The following FANCC variants were observed in gnomAD, a reference collection of about 807,000 sequenced individuals.
The protein encoded by FANCC is FA complementation group C.
Under a neutral mutation model 71.3 loss-of-function variants are expected in FANCC, and 55 were observed. The ratio of observed to expected loss-of-function variants is 0.77; its 90% CI spans 0.62 to 0.97. The LOEUF is 0.97. Ranked by LOEUF, FANCC falls within the 50% of genes least tolerant of loss-of-function variation. The pLI is 0.00. For synonymous variants in FANCC, 275 were observed against 244.9 expected, an observed-to-expected ratio of 1.12 and a Z score of -1.15; for missense variants, 678 against 670.9, an observed-to-expected ratio of 1.01 and a Z score of -0.12.
chr9:95,266,794 T>C (rs1270440827), intron 1 of FANCC, among the ~76,000 whole-genome samples: 1 of 152,182 alleles, frequency 6.6e-6, no homozygotes, highest in Non-Finnish European at 1.5e-5. Context: ...CTATATGCTA[T>C]GGGTCACTGA....
chr9:95,292,909 G>A lies in FANCC; in HGVS notation c.-79+24617C>T, dbSNP rs150559168. On this transcript the variant is annotated intron_variant, in intron 1 of 14. Coordinates refer to ENST00000289081, the MANE Select transcript of FANCC (RefSeq NM_000136.3). The stretch of plus-strand genomic sequence containing the variant: ...GCAGAGGACTGTGGCAAGACCTTCC[G>A]GTGCACATGCGGCTGTCCCTACGCC... The A allele has an allele frequency of 4.9e-4, 770 of 1,582,562 alleles. 10 individuals are homozygous for A. The East Asian group carries it at 0.016, about 33-fold the overall frequency.
intron 14 of FANCC, among the ~76,000 whole-genome samples, chr9:95,105,953 A>AG (rs776564820): frequency 9.2e-5 from 14 of 152,228 alleles, no homozygotes; most frequent in African/African-American, 2.2e-4. Context: ...ATGGCCCTCC[A>AG]GCCCCTGCTT....
chr9:95,153,545 T>C (rs764168431), intron 6 of FANCC, among the ~76,000 whole-genome samples: 6 of 152,334 alleles, frequency 3.9e-5, no homozygotes, highest in Non-Finnish European at 7.4e-5. Flanking sequence ...TGGTATCTCA[T>C]TGTGGTTTTA....
intron 4 of FANCC, 42 bp from the exon 5 acceptor site, chr9:95,172,189 A>G (rs748962340): frequency 3.8e-6 from 5 of 1,303,046 alleles, no homozygotes; most frequent in African/African-American, 2.9e-5. Context: ...TTTAAAAGTA[A>G]ATGCAAGTGC....
intron 14 of FANCC, 141 bp from the exon 15 acceptor site, chr9:95,101,991 G>A: frequency 1.0e-6 from 1 of 974,760 alleles, no homozygotes; most frequent in South Asian, 1.4e-5. Flanking sequence ...AAAGCATCAG[G>A]GGCTCTAGTT....
At chr9:95,103,785 A>C (rs2071235927) in intron 14 of FANCC, among the ~76,000 whole-genome samples, 1 of 152,228 alleles carries the variant, frequency 6.6e-6, no homozygotes, top group Non-Finnish European at 1.5e-5. Flanking sequence ...AGCTCACTGC[A>C]GAGGCCACAC....
At chr9:95,199,173 A>G (rs1827648019) in intron 4 of FANCC, among the ~76,000 whole-genome samples, 2 of 152,100 alleles carry the variant, frequency 1.3e-5, no homozygotes, top group Non-Finnish European at 2.9e-5. Context: ...AGACCTTGCC[A>G]TGTATCAAAT....
At chr9:95,284,677 C>T (rs1833567703) in intron 1 of FANCC, among the ~76,000 whole-genome samples, 1 of 152,246 alleles carries the variant, frequency 6.6e-6, no homozygotes, top group Non-Finnish European at 1.5e-5. Context: ...CTGATCCACA[C>T]AGCACTATTA....
At chr9:95,125,804 T>C (rs939528748) in intron 9 of FANCC, among the ~76,000 whole-genome samples, 2 of 152,050 alleles carry the variant, frequency 1.3e-5, no homozygotes, top group African/African-American at 2.4e-5. Flanking sequence ...GTGTGTTAGG[T>C]GGGAGGGGCT....
chr9:95,293,134 G>C (rs1042321821), intron 1 of FANCC: 5 of 1,613,108 alleles, frequency 3.1e-6, no homozygotes, highest in Non-Finnish European at 4.2e-6. Context: ...AATAAAGCTA[G>C]AACCATCTTT....
chr9:95,107,010 A>C, intron 14 of FANCC, 56 bp downstream of exon 14: 1 of 1,570,874 alleles, frequency 6.4e-7, no homozygotes, highest in Non-Finnish European at 8.7e-7. Context: ...CAGGTAACCC[A>C]CCTCTCGCCT....
At chr9:95,274,754 G>A (rs1324821210) in intron 1 of FANCC, among the ~76,000 whole-genome samples, 1 of 152,132 alleles carries the variant, frequency 6.6e-6, no homozygotes, top group Admixed American at 6.6e-5. Flanking sequence ...GTCCAGAAGT[G>A]TCTCCAAATT....
intron 4 of FANCC, among the ~76,000 whole-genome samples, chr9:95,233,262 GA>G (rs1222682230): frequency 2.0e-5 from 3 of 151,368 alleles, no homozygotes; most frequent in Admixed American, 6.6e-5. Flanking sequence ...AACGCAGGTA[GA>G]AAAAAAATAT....
chr9:95,121,011 G>A (rs2072837144), intron 10 of FANCC, among the ~76,000 whole-genome samples: 1 of 152,176 alleles, frequency 6.6e-6, no homozygotes, highest in African/African-American at 2.4e-5. Flanking sequence ...GGGGAGGCAG[G>A]AGACCTCTCT....
At chr9:95,167,721 C>T (rs942993084) in intron 6 of FANCC, among the ~76,000 whole-genome samples, 1 of 152,032 alleles carries the variant, frequency 6.6e-6, no homozygotes, top group Non-Finnish European at 1.5e-5. Flanking sequence ...TTCCTGATTT[C>T]ATTTAGTTGT....
chr9:95,184,726 C>A lies in FANCC; in HGVS notation c.346-12579G>T, dbSNP rs548172019. On this transcript the variant is annotated intron_variant, in intron 4 of 14. Coordinates refer to ENST00000289081, the MANE Select transcript of FANCC (RefSeq NM_000136.3). ...GAGAAGCAAGGGGCCAAGAACAGCA[C>A]ATGCTAAGGGAAAGAAGAAAATTAT... is the stretch of plus-strand genomic sequence containing the variant. Among the ~76,000 whole-genome samples the A allele has an allele frequency of 6.6e-5, 10 of 152,270 alleles. 1 individual carries two copies. In the South Asian group the frequency reaches 2.1e-3, roughly 32 times the overall value.
intron 4 of FANCC, among the ~76,000 whole-genome samples, chr9:95,173,891 T>C (rs1009145631): frequency 6.6e-6 from 1 of 152,192 alleles, no homozygotes; most frequent in African/African-American, 2.4e-5. Flanking sequence ...AGTGAGACCC[T>C]GTCTCCAAGG....
chr9:95,294,475 G>C, intron 1 of FANCC: 5 of 1,596,774 alleles, frequency 3.1e-6, no homozygotes, highest in Non-Finnish European at 4.3e-6. Flanking sequence ...CTTTTTCTTA[G>C]ACAGTAGCCC....
intron 8 of FANCC, chr9:95,127,562 C>T (rs887053904): frequency 6.6e-6 from 1 of 152,272 alleles, no homozygotes; most frequent in African/African-American, 2.4e-5. Context: ...GGCGGGAAGG[C>T]TAGGGGCTCC....
Sources: allele counts gnomAD v4.1 joint callset (sites outside exome capture counted in the v4.1 genomes callset), GRCh38; gene constraint gnomAD v4.1.1; transcripts MANE v1.5; gene names NCBI Gene and HGNC (gene_info 2026-07-23, HGNC 2026-07-21).